The following DIAPH3 variants were observed in gnomAD, a reference collection of about 807,000 sequenced individuals.
DIAPH3 encodes the protein diaphanous related formin 3, also known as protein diaphanous homolog 3.
DIAPH3 carries 117 observed loss-of-function variants against 144.3 expected under a neutral mutation model. The observed-to-expected ratio is 0.81, with a 90% confidence interval of 0.70 to 0.95. The LOEUF is 0.95. Ranked by LOEUF, DIAPH3 falls within the 40% of genes least tolerant of loss-of-function variation. DIAPH3 has a pLI of 0.00. For missense variants in DIAPH3, 1,421 were observed against 1,412.7 expected (o/e 1.01, Z -0.09); for synonymous variants, 519 against 488.9 (o/e 1.06, Z -0.81).
intron 27 of DIAPH3, among the ~76,000 whole-genome samples, chr13:59,747,537 C>A (rs748900634): frequency 6.6e-6 from 1 of 152,140 alleles, no homozygotes; most frequent in Admixed American, 6.5e-5. Flanking sequence ...AAATTCAGGT[C>A]ACTCATTGCC....
chr13:59,828,674 A>G (rs1349262789), intron 24 of DIAPH3, among the ~76,000 whole-genome samples: 1 of 150,566 alleles, frequency 6.6e-6, no homozygotes, highest in Non-Finnish European at 1.5e-5. Context: ...GGGACACTCC[A>G]TGCAAAGCAC....
chr13:59,856,438 T>C (rs1219207810), intron 22 of DIAPH3, among the ~76,000 whole-genome samples: 1 of 152,160 alleles, frequency 6.6e-6, no homozygotes, highest in African/African-American at 2.4e-5. Context: ...GATCAAGGTG[T>C]TGGCAGAGTT....
At chr13:59,798,308 C>T (rs1327323573) in intron 25 of DIAPH3, among the ~76,000 whole-genome samples, 1 of 152,146 alleles carries the variant, frequency 6.6e-6, no homozygotes, top group East Asian at 1.9e-4. Flanking sequence ...CATATCACTG[C>T]TCTGTTTAAT....
intron 25 of DIAPH3, among the ~76,000 whole-genome samples, chr13:59,797,272 T>C (rs949133095): frequency 6.6e-6 from 1 of 152,230 alleles, no homozygotes; most frequent in Admixed American, 6.5e-5. Flanking sequence ...CCAGAATATA[T>C]GCCCATGAGG....
intron 27 of DIAPH3, among the ~76,000 whole-genome samples, chr13:59,719,787 C>T (rs148432552): frequency 3.0e-4 from 45 of 152,246 alleles, no homozygotes; most frequent in African/African-American, 9.9e-4. Context: ...TTGGGAATTA[C>T]AAGCTAAAGG....
intron 27 of DIAPH3, among the ~76,000 whole-genome samples, chr13:59,711,536 C>T (rs1039320693): frequency 3.3e-5 from 5 of 152,086 alleles, no homozygotes; most frequent in Non-Finnish European, 7.4e-5. Context: ...ACCATCGTTG[C>T]CACCACCACC....
chr13:59,895,947 C>T (rs899339772), intron 20 of DIAPH3, among the ~76,000 whole-genome samples: 2 of 152,196 alleles, frequency 1.3e-5, no homozygotes, highest in Admixed American at 6.5e-5. Flanking sequence ...TAAACAAAAA[C>T]GTAAGGTAAA....
rs747231441 is a variant in DIAPH3 at position 60,008,570 on chromosome 13, G to T, written c.988C>A (p.Leu330Ile). Residue 330 changes from leucine to isoleucine, a missense_variant, in exon 9 of 28, where the codon CTC becomes ATC. Leu to Ile is a conservative substitution (Grantham distance 5). Coordinates refer to ENST00000400324, the MANE Select transcript of DIAPH3 (RefSeq NM_001042517.2). ...IDRFFCIVEG[L>I]RHNSVQLQVA... is the part of the protein sequence containing the mutation. The stretch of plus-strand genomic sequence containing the variant: ...TGCAGTTGAACTGAATTGTGCCGGA[G>T]GCCTTCCACAATACAAAAAAATCTG... 3.1e-6 allele frequency: 5 copies of T among 1,613,148 alleles called. No homozygotes were observed. Among genetic ancestry groups the T allele is most frequent in the Non-Finnish European group, 4.2e-6 (5 of 1,179,632 alleles).
At chr13:59,751,958 G>A (rs1414321601) in intron 27 of DIAPH3, among the ~76,000 whole-genome samples, 4 of 152,144 alleles carry the variant, frequency 2.6e-5, no homozygotes, top group Non-Finnish European at 4.4e-5. Context: ...ACTTCTTAAT[G>A]AGCCAAGAAG....
intron 22 of DIAPH3, among the ~76,000 whole-genome samples, chr13:59,853,963 A>G (rs999972253): frequency 6.6e-6 from 1 of 152,138 alleles, no homozygotes; most frequent in African/African-American, 2.4e-5. Context: ...GTGCCCCCCA[A>G]AAATGCATAT....
intron 3 of DIAPH3, among the ~76,000 whole-genome samples, chr13:60,096,612 G>A (rs2058111940): frequency 6.6e-6 from 1 of 152,128 alleles, no homozygotes; most frequent in South Asian, 2.1e-4. Flanking sequence ...AGGACGATCC[G>A]CCCTCAGTAT....
intron 2 of DIAPH3, among the ~76,000 whole-genome samples, chr13:60,132,521 G>T (rs1012612192): frequency 6.6e-6 from 1 of 152,098 alleles, no homozygotes; most frequent in Admixed American, 6.6e-5. Flanking sequence ...CATAAAAAAC[G>T]TAGTAAGGCA....
At chr13:59,862,963 A>G (rs1049574073) in intron 21 of DIAPH3, among the ~76,000 whole-genome samples, 3 of 152,174 alleles carry the variant, frequency 2.0e-5, no homozygotes, top group Non-Finnish European at 4.4e-5. Context: ...TGGGGCACCA[A>G]CTTGTGACCC....
intron 1 of DIAPH3, among the ~76,000 whole-genome samples, chr13:60,158,691 A>G (rs1351684625): frequency 2.0e-5 from 3 of 152,186 alleles, no homozygotes; most frequent in African/African-American, 7.2e-5. Context: ...GAAGCTGAGC[A>G]GGGAGTTCTA....
chr13:59,933,871 T>C (rs1448055584), intron 17 of DIAPH3, among the ~76,000 whole-genome samples: 1 of 152,226 alleles, frequency 6.6e-6, no homozygotes, highest in African/African-American at 2.4e-5. Flanking sequence ...AGCAAAATTA[T>C]GTAAAGAATA....
At chr13:60,024,464 G>A (rs2054249669) in intron 5 of DIAPH3, among the ~76,000 whole-genome samples, 1 of 152,052 alleles carries the variant, frequency 6.6e-6, no homozygotes. Flanking sequence ...AGAAGAAATA[G>A]TTTCCTGTAT....
intron 1 of DIAPH3, among the ~76,000 whole-genome samples, chr13:60,144,281 AT>A (rs1161170111): frequency 6.6e-6 from 1 of 152,164 alleles, no homozygotes; most frequent in Non-Finnish European, 1.5e-5. Context: ...GCCATGGATA[AT>A]TTTAAAGGTC....
chr13:60,107,182 G>A (rs530675158), intron 3 of DIAPH3, among the ~76,000 whole-genome samples: 1 of 152,022 alleles, frequency 6.6e-6, no homozygotes, highest in South Asian at 2.1e-4. Context: ...CAGGATTATG[G>A]GGCATTGAAT....
intron 27 of DIAPH3, among the ~76,000 whole-genome samples, chr13:59,718,372 G>T (rs751869790): frequency 1.3e-5 from 2 of 152,160 alleles, no homozygotes; most frequent in Non-Finnish European, 2.9e-5. Flanking sequence ...AAGAAAATCA[G>T]ATGTTTAGCA....
Sources: gnomAD v4.1 joint callset for allele counts (sites outside exome capture counted in the v4.1 genomes callset) on GRCh38, gnomAD v4.1.1 for gene constraint, MANE v1.5 for transcripts, NCBI Gene and HGNC (gene_info 2026-07-23, HGNC 2026-07-21) for gene names.